WRN: variants seen among roughly 807,000 people sequenced by gnomAD.
WRN encodes the protein bifunctional 3'-5' exonuclease/ATP-dependent helicase WRN.
In WRN, 149 loss-of-function variants were observed where a neutral mutation model predicts 180.7. The observed-to-expected ratio is 0.82, with a 90% CI of 0.72 to 0.94. The LOEUF is 0.94. WRN is among the 40% of genes least tolerant of loss of function. The pLI is 0.00. For missense variants in WRN, 1,661 were observed against 1,700.1 expected (o/e 0.98, Z 0.40); for synonymous variants, 548 against 568.9 (o/e 0.96, Z 0.52).
At chr8:31,118,101 T>C (rs1801585927) in intron 20 of WRN, among the ~76,000 whole-genome samples, 1 of 152,178 alleles carries the variant, frequency 6.6e-6, no homozygotes, top group Non-Finnish European at 1.5e-5. Context: ...TTATTCATGT[T>C]ACGTTGTGAC....
rs551729078 is a variant in WRN, at chr8:31,122,055, A to G, written c.2630+1631A>G. 6.6e-5 allele frequency among the ~76,000 whole-genome samples: 10 copies of G among 152,102 alleles called. 1 individual carries two copies. The highest frequency in any genetic ancestry group is 2.4e-4 in the African/African-American group (10 of 41,552). ...ATATTGTGCATTTGAAGGTTCATCA[A>G]TAAATACAATTCTTGTTTCTCTGGG... On this transcript the variant is annotated intron_variant, in intron 21 of 34. Coordinates refer to ENST00000298139, the MANE Select transcript of WRN (RefSeq NM_000553.6).
At chr8:31,139,810 A>G (rs2725361) in intron 24 of WRN, among the ~76,000 whole-genome samples, 50,062 of 151,928 alleles carry the variant, frequency 0.33, 9,171 homozygotes, top group East Asian at 0.62. Context: ...CTGTCATGCA[A>G]ATATACAGAA....
At chr8:31,064,465 G>T in intron 4 of WRN, 31 bp downstream of exon 4, 1 of 1,613,522 alleles carries the variant, frequency 6.2e-7, no homozygotes, top group South Asian at 1.1e-5. Flanking sequence ...TTTTTATATG[G>T]CTGATAATTG....
At chr8:31,169,014 C>G (rs1467669200) in intron 34 of WRN, among the ~76,000 whole-genome samples, 2 of 151,944 alleles carry the variant, frequency 1.3e-5, no homozygotes, top group Non-Finnish European at 2.9e-5. Flanking sequence ...GGAAAGTTTT[C>G]TTAAATGATA....
At position 31,093,697 on chromosome 8, in the gene WRN, T is replaced by A. The variant is rs1033173480; in HGVS notation, c.1898+1799T>A. ...AAGTTTTGACACAGGTATGCACTCA[T>A]GAAACCATCATCACAATCCAGATAA... On this transcript the variant is annotated intron_variant, in intron 16 of 34. Coordinates refer to ENST00000298139, the MANE Select transcript of WRN (RefSeq NM_000553.6). Among the ~76,000 whole-genome samples, 8 of 152,192 alleles carry A rather than the reference T, an allele frequency of 5.3e-5. No homozygotes were observed. In the South Asian group the frequency reaches 6.2e-4, roughly 12 times the overall value.
intron 18 of WRN, among the ~76,000 whole-genome samples, chr8:31,109,220 G>A (rs956352683): frequency 2.6e-5 from 4 of 152,210 alleles, no homozygotes; most frequent in Admixed American, 1.3e-4. Flanking sequence ...CTCAGAGGCT[G>A]TGACAACTCA....
chr8:31,106,746 G>C (rs1466703496), intron 18 of WRN, among the ~76,000 whole-genome samples: 1 of 152,028 alleles, frequency 6.6e-6, no homozygotes, highest in African/African-American at 2.4e-5. Context: ...CACTATCACT[G>C]TCTAACTTAC....
intron 23 of WRN, among the ~76,000 whole-genome samples, chr8:31,130,707 A>G (rs2130369238): frequency 6.6e-6 from 1 of 151,994 alleles, no homozygotes; most frequent in South Asian, 2.1e-4. Context: ...TTATTACTAG[A>G]GTAATTTATT....
chr8:31,112,134 G>T (rs1801345775), intron 19 of WRN, among the ~76,000 whole-genome samples: 1 of 152,008 alleles, frequency 6.6e-6, no homozygotes, highest in Non-Finnish European at 1.5e-5. Flanking sequence ...GAGTGCAGTG[G>T]TGTGATCACA....
At chr8:31,114,190 C>T (rs1801427109) in intron 19 of WRN, among the ~76,000 whole-genome samples, 1 of 152,120 alleles carries the variant, frequency 6.6e-6, no homozygotes, top group African/African-American at 2.4e-5. Flanking sequence ...CCATCTTCTT[C>T]CCTTCCTTTA....
intron 12 of WRN, 45 bp from the exon 13 acceptor site, chr8:31,088,845 T>A: frequency 6.7e-7 from 1 of 1,493,790 alleles, no homozygotes; most frequent in South Asian, 1.2e-5. Context: ...CTCTATGTGG[T>A]GTTTTTCTAC....
At chr8:31,055,366 G>A (rs1812229068) in intron 1 of WRN, among the ~76,000 whole-genome samples, 1 of 152,148 alleles carries the variant, frequency 6.6e-6, no homozygotes, top group Admixed American at 6.5e-5. Flanking sequence ...CCCACCAACA[G>A]TGTAAAAGCA....
At chr8:31,160,092 CAAG>C (rs1055017133) in intron 33 of WRN, among the ~76,000 whole-genome samples, 2 of 151,866 alleles carry the variant, frequency 1.3e-5, no homozygotes, top group East Asian at 1.9e-4. Flanking sequence ...ATCTGAGCAA[CAAG>C]AAGAAGAAAT....
chr8:31,068,274 A>C lies in WRN; in HGVS notation c.671A>C (p.Tyr224Ser). Residue 224 changes from tyrosine to serine, a missense_variant, in exon 7 of 35, where the codon TAC becomes TCC. This residue lies in a region of WRN where 500 missense variants were observed against 504.1 expected (regional missense o/e 0.99). Coordinates refer to ENST00000298139, the MANE Select transcript of WRN (RefSeq NM_000553.6). ...TTTTTATAGGCTGGTTTTATTATTT[A>C]CCGAAATTTAGAGATTTTGGATGAT... is the stretch of plus-strand genomic sequence containing the variant. ...ATDAYAGFII[Y>S]RNLEILDDTV... is the part of the protein sequence containing the mutation. 1 of 1,607,458 alleles carries C rather than the reference A, an allele frequency of 6.2e-7. No individual in the cohort carries two copies. The highest frequency in any genetic ancestry group is 8.5e-7 in the Non-Finnish European group (1 of 1,175,524).
chr8:31,118,196 A>G (rs1205171577), intron 20 of WRN, among the ~76,000 whole-genome samples: 1 of 152,122 alleles, frequency 6.6e-6, no homozygotes, highest in Non-Finnish European at 1.5e-5. Context: ...GGCTTAGGAA[A>G]CTTCACAATG....
At chr8:31,165,288 T>G (rs1194100326) in intron 33 of WRN, among the ~76,000 whole-genome samples, 2 of 152,078 alleles carry the variant, frequency 1.3e-5, no homozygotes, top group Non-Finnish European at 2.9e-5. Flanking sequence ...ATAGTTTATT[T>G]ATCTAATTTC....
At chr8:31,145,913 G>A (rs1271770866) in intron 28 of WRN, among the ~76,000 whole-genome samples, 2 of 152,054 alleles carry the variant, frequency 1.3e-5, no homozygotes, top group East Asian at 3.9e-4. Context: ...AAATATATGG[G>A]CTTAGTGTAC....
At chr8:31,052,319 C>T (rs1316188703) in intron 1 of WRN, among the ~76,000 whole-genome samples, 5 of 152,076 alleles carry the variant, frequency 3.3e-5, no homozygotes, top group African/African-American at 1.2e-4. Context: ...GTGAGATAAC[C>T]ACTAATGTTT....
intron 30 of WRN, among the ~76,000 whole-genome samples, 166 bp downstream of exon 30, chr8:31,147,642 G>A (rs1413156741): frequency 6.6e-6 from 1 of 152,088 alleles, no homozygotes; most frequent in Non-Finnish European, 1.5e-5. Context: ...TTAGTACCGT[G>A]TTTCTGTATG....
Sources: gnomAD v4.1 joint callset for allele counts (sites outside exome capture counted in the v4.1 genomes callset) on GRCh38, gnomAD v4.1.1 for gene constraint, gnomAD v4.1.1 regional missense constraint, MANE v1.5 for transcripts, NCBI Gene and HGNC (gene_info 2026-07-23, HGNC 2026-07-21) for gene names.